The following RAB33B variants were observed in gnomAD, a reference collection of about 807,000 sequenced individuals.
RAB33B encodes the protein ras-related protein Rab-33B.
A neutral mutation model predicts 15.0 loss-of-function variants in RAB33B; 6 were observed. That is an observed-to-expected ratio of 0.40 (90% CI 0.22 to 0.79). The LOEUF (loss-of-function observed/expected upper bound fraction) is 0.79, where lower values mean the gene tolerates loss of function less well. Ranked by LOEUF, RAB33B falls within the 30% of genes least tolerant of loss-of-function variation. RAB33B has a pLI of 0.37. For synonymous variants in RAB33B, 117 were observed against 108.3 expected (o/e 1.08, Z -0.50); for missense variants, 257 against 296.4 (o/e 0.87, Z 0.98).
the RAB33B span, among the ~76,000 whole-genome samples, chr4:139,439,886 TTCTA>T: frequency 6.6e-6 from 1 of 152,296 alleles, no homozygotes; most frequent in South Asian, 2.1e-4. Context: ...CTTTTAGGTT[TTCTA>T]TCTGTTTTTG....
At chr4:139,444,206 C>T in the RAB33B span, among the ~76,000 whole-genome samples, 4 of 151,878 alleles carry the variant, frequency 2.6e-5, no homozygotes, top group South Asian at 2.1e-4. Context: ...TGTTGCAGCT[C>T]GGGGAGTTAA....
intron 1 of RAB33B, 137 bp from the exon 2 acceptor site, chr4:139,472,549 G>A: frequency 1.5e-6 from 1 of 653,292 alleles, no homozygotes; most frequent in Non-Finnish European, 2.5e-6. Context: ...AGGTAACACT[G>A]AAAAGACATT....
chr4:139,463,614 C>G (rs1750214345), intron 1 of RAB33B, among the ~76,000 whole-genome samples: 2 of 152,186 alleles, frequency 1.3e-5, no homozygotes, highest in South Asian at 4.1e-4. Context: ...CCAAAAGTAT[C>G]AGTTTCTCTT....
At chr4:139,467,740 C>T (rs772027100) in intron 1 of RAB33B, among the ~76,000 whole-genome samples, 4 of 151,808 alleles carry the variant, frequency 2.6e-5, no homozygotes, top group Non-Finnish European at 4.4e-5. Context: ...CACCTGTAGT[C>T]CCAGCTACTC....
At chr4:139,461,784 A>G (rs1010006259) in intron 1 of RAB33B, among the ~76,000 whole-genome samples, 1 of 151,910 alleles carries the variant, frequency 6.6e-6, no homozygotes, top group Admixed American at 6.6e-5. Flanking sequence ...TTTAAAAAAA[A>G]TTTTGACCAG....
chr4:139,462,941 C>T lies in RAB33B; in HGVS notation c.249+8497C>T, dbSNP rs545614891. Among the ~76,000 whole-genome samples the T allele has an allele frequency of 3.2e-4, 49 of 152,176 alleles. 1 individual carries two copies. Among genetic ancestry groups the T allele is most frequent in the Admixed American group, 9.2e-4 (14 of 15,292 alleles). On this transcript the variant is annotated intron_variant, in intron 1 of 1. Transcript: ENST00000305626. Reference sequence around the variant, plus strand: ...ATGTAATCTCAGCACTTTGGGAGGCCGATCAGTTGAGCCGAGGAATTCGAG... The same window carrying T: ...ATGTAATCTCAGCACTTTGGGAGGCTGATCAGTTGAGCCGAGGAATTCGAG...
chr4:139,474,330 C>T lies in RAB33B; in HGVS notation c.*1204C>T, dbSNP rs1057096970. 1 of 152,174 alleles carries T rather than the reference C, an allele frequency of 6.6e-6. No homozygotes were observed. The highest frequency in any genetic ancestry group is 1.5e-5 in the Non-Finnish European group (1 of 68,024). 9.4% of individuals were successfully genotyped at this position (152,174 alleles called of 1,614,324 possible). ...TAAACAGTGAAAAACTAACTGAAAG[C>T]ACATGAAGAGTTGTAACTTGGGGGA... On this transcript the variant is annotated 3_prime_UTR_variant, in exon 2 of 2. Transcript: ENST00000305626.
chr4:139,471,092 C>G (rs1346971948), intron 1 of RAB33B, among the ~76,000 whole-genome samples: 1 of 152,118 alleles, frequency 6.6e-6, no homozygotes, highest in Non-Finnish European at 1.5e-5. Flanking sequence ...CGCACTGTCT[C>G]TGGGCCAGTT....
At chr4:139,459,226 G>C (rs1368204203) in intron 1 of RAB33B, among the ~76,000 whole-genome samples, 1 of 151,576 alleles carries the variant, frequency 6.6e-6, no homozygotes, top group Non-Finnish European at 1.5e-5. Context: ...CTTGAGCCCA[G>C]GAATTCAAGA....
upstream of RAB33B, chr4:139,452,715 G>A (rs1749954304): frequency 6.6e-6 from 1 of 152,098 alleles, no homozygotes; most frequent in South Asian, 2.1e-4. Context: ...ATTATATCAA[G>A]GCTTTTGCAA....
chr4:139,455,094 CTT>C (rs1208756173), intron 1 of RAB33B, among the ~76,000 whole-genome samples: 1 of 152,174 alleles, frequency 6.6e-6, no homozygotes, highest in African/African-American at 2.4e-5. Flanking sequence ...ACGCCCAATT[CTT>C]TATTCCCTTT....
intron 1 of RAB33B, among the ~76,000 whole-genome samples, chr4:139,462,085 G>T (rs1415846426): frequency 1.6e-5 from 2 of 127,690 alleles, no homozygotes; most frequent in African/African-American, 3.0e-5. Flanking sequence ...ACGGAGTCTC[G>T]CTCTGTCGCC....
upstream of RAB33B, chr4:139,453,252 G>C (rs925208383): frequency 6.6e-6 from 1 of 152,164 alleles, no homozygotes; most frequent in Non-Finnish European, 1.5e-5. Flanking sequence ...GTTTGGGCTG[G>C]GGATATTAGC....
At chr4:139,456,755 A>G (rs1408669766) in intron 1 of RAB33B, among the ~76,000 whole-genome samples, 1 of 152,246 alleles carries the variant, frequency 6.6e-6, no homozygotes, top group Non-Finnish European at 1.5e-5. Context: ...GACTACAGAC[A>G]TGTTCTGAGG....
chr4:139,472,679 T>C lies in RAB33B; in HGVS notation c.250-7T>C, dbSNP rs749056208. On this transcript the variant is annotated splice_region_variant and splice_polypyrimidine_tract_variant and intron_variant, in intron 1 of 1. Transcript: ENST00000305626. Reference sequence around the variant, plus strand: ...TTCAGTTTTCCTCTTTTTCTTCCCATTTTTAGATCCAGCTATGGGACACAG... The same window carrying C: ...TTCAGTTTTCCTCTTTTTCTTCCCACTTTTAGATCCAGCTATGGGACACAG... 1 of 1,569,104 alleles carries C rather than the reference T, an allele frequency of 6.4e-7. No individual in the cohort carries two copies. Among genetic ancestry groups the C allele is most frequent in the Non-Finnish European group, 8.7e-7 (1 of 1,155,024 alleles).
At chr4:139,471,965 C>T (rs1750400927) in intron 1 of RAB33B, among the ~76,000 whole-genome samples, 1 of 152,082 alleles carries the variant, frequency 6.6e-6, no homozygotes, top group Non-Finnish European at 1.5e-5. Flanking sequence ...ACTAATCTTT[C>T]CTGCTGTTGA....
Position 139,475,506 on chromosome 4 carries a change from T to TAA in RAB33B, c.*2385_*2386dup, listed in dbSNP as rs1205955129. 3 of 151,980 alleles carry TAA rather than the reference T, an allele frequency of 2.0e-5. No homozygotes were observed. Among genetic ancestry groups the TAA allele is most frequent in the Non-Finnish European group, 4.4e-5 (3 of 67,900 alleles). 9.4% of individuals were successfully genotyped at this position (151,980 alleles called of 1,614,324 possible). On this transcript the variant is annotated 3_prime_UTR_variant, in exon 2 of 2. Transcript: ENST00000305626. ...TTTTTTATATATATGTTTTTATTTTTAAAAAACATACCAGTTGAATGGGGT... is the reference window on the plus strand; with the variant it reads ...TTTTTTATATATATGTTTTTATTTTTAAAAAAAACATACCAGTTGAATGGGGT...
intron 1 of RAB33B, among the ~76,000 whole-genome samples, chr4:139,470,995 G>A (rs966344193): frequency 1.3e-5 from 2 of 152,154 alleles, no homozygotes; most frequent in African/African-American, 4.8e-5. Context: ...GCTGTGAGCT[G>A]TGCAGCCTGG....
At chr4:139,450,019 A>T (rs1480039949), upstream of RAB33B, 1 of 152,194 alleles carries the variant, frequency 6.6e-6, no homozygotes, top group Non-Finnish European at 1.5e-5. Context: ...AAAATTTAGC[A>T]TTCTGTTTTA....
Sources: allele counts gnomAD v4.1 joint callset (sites outside exome capture counted in the v4.1 genomes callset), GRCh38; gene constraint gnomAD v4.1.1; transcripts MANE v1.5; gene names NCBI Gene and HGNC (gene_info 2026-07-23, HGNC 2026-07-21).